BTD: variants seen among roughly 807,000 people sequenced by gnomAD.
The protein encoded by BTD is biotinidase.
In BTD, 13 loss-of-function variants were observed where a neutral mutation model predicts 17.7. The ratio of observed to expected loss-of-function variants is 0.74; its 90% confidence interval spans 0.48 to 1.17. The LOEUF (loss-of-function observed/expected upper bound fraction) is 1.17. Ranked by LOEUF, BTD falls within the 50% of genes most tolerant of loss-of-function variation. The probability of loss-of-function intolerance (pLI) is 0.00; values close to 1 mark genes in which losing one functional copy is unlikely to be tolerated. For synonymous variants in BTD, 240 were observed against 245.2 expected, an observed-to-expected ratio of 0.98 and a Z score of 0.20; for missense variants, 674 against 650.4, an observed-to-expected ratio of 1.04 and a Z score of -0.39.
chr3:15,707,902 C>T (rs528450157), intron 3 of BTD: 7 of 1,597,360 alleles, frequency 4.4e-6, no homozygotes, highest in Non-Finnish European at 6.0e-6. Flanking sequence ...TGATCCTCCA[C>T]TCTCACTCCT....
chr3:15,690,983 C>T lies in BTD; in HGVS notation c.400-19077C>T, dbSNP rs963761629. 7.2e-5 allele frequency among the ~76,000 whole-genome samples: 11 copies of T among 152,140 alleles called. 1 individual carries two copies. The highest frequency in any genetic ancestry group is 5.2e-4 in the Admixed American group (8 of 15,260). On this transcript the variant is annotated intron_variant, in intron 3 of 3. Coordinates refer to the BTD transcript ENST00000672141. ...CTCAAATTAAACTGACCATACCCAC[C>T]CCATAATGTGCCATAGCTAAAAAAG...
intron 3 of BTD, among the ~76,000 whole-genome samples, chr3:15,665,941 C>T (rs2065979629): frequency 1.3e-5 from 2 of 152,172 alleles, no homozygotes; most frequent in Admixed American, 1.3e-4. Flanking sequence ...AAGCAGTTAC[C>T]CACACAAGCT....
intron 3 of BTD, chr3:15,669,259 ACAAAAAATCCCCCAACCCAT>A (rs1039076223): frequency 3.0e-4 from 45 of 152,330 alleles, no homozygotes; most frequent in African/African-American, 1.0e-3. Flanking sequence ...ATCAGAATAA[ACAAAAAATCCCCCAACCCAT>A]GGTGGGGACA....
intron 3 of BTD, chr3:15,684,905 C>T (rs1347735088): frequency 3.8e-6 from 1 of 259,950 alleles, no homozygotes; most frequent in East Asian, 1.1e-4. Context: ...GGGAGGATCA[C>T]TTGATGCCAG....
chr3:15,649,782 C>G lies in BTD; in HGVS notation c.*4294C>G, dbSNP rs1051972558. Among the ~76,000 whole-genome samples, 2 of 152,164 alleles carry G rather than the reference C, an allele frequency of 1.3e-5. No individual in the cohort carries two copies. Among genetic ancestry groups the G allele is most frequent in the African/African-American group, 4.8e-5 (2 of 41,436 alleles). ...CTTTTTGAACTGGTGTTTCCCATTC[C>G]CAGTTCACAGAGCCCTTTCTCATTG... On this transcript the variant is annotated 3_prime_UTR_variant, in exon 4 of 4. Coordinates refer to ENST00000643237, the MANE Select transcript of BTD (RefSeq NM_001370658.1).
chr3:15,631,324 TA>T lies in BTD; in HGVS notation c.-16-4095del. 3 of 802,100 alleles carry T rather than the reference TA, an allele frequency of 3.7e-6. No homozygotes were observed. The South Asian group carries it at 6.3e-5, about 17-fold the overall frequency. The allele number at this position is 802,100 out of a possible 1,614,324, so 49.7% of individuals were successfully genotyped here. On this transcript the variant is annotated intron_variant, in intron 1 of 3. Transcript: ENST00000643237. Reference sequence around the variant, plus strand: ...AGTAAAGAATGACAAGATATTTTATTAAAAAGATGTTTTATTTATCTTTTAA... The same window carrying T: ...AGTAAAGAATGACAAGATATTTTATTAAAAGATGTTTTATTTATCTTTTAA...
At chr3:15,701,175 C>T (rs2070546230) in intron 3 of BTD, among the ~76,000 whole-genome samples, 1 of 152,172 alleles carries the variant, frequency 6.6e-6, no homozygotes, top group African/African-American at 2.4e-5. Context: ...GCCATTATTT[C>T]AATGCTAACA....
chr3:15,602,582 T>C (rs1339629210), intron 1 of BTD, among the ~76,000 whole-genome samples: 1 of 152,170 alleles, frequency 6.6e-6, no homozygotes, highest in East Asian at 1.9e-4. Flanking sequence ...AGTGGAACTT[T>C]TAATTTTTTG....
At chr3:15,683,431 C>T (rs913539526) in intron 3 of BTD, among the ~76,000 whole-genome samples, 1 of 152,162 alleles carries the variant, frequency 6.6e-6, no homozygotes, top group Non-Finnish European at 1.5e-5. Flanking sequence ...TCACTACACT[C>T]ATTTCTACTT....
chr3:15,632,054 A>G, intron 1 of BTD, among the ~76,000 whole-genome samples: 1 of 152,084 alleles, frequency 6.6e-6, no homozygotes, highest in African/African-American at 2.4e-5. Context: ...CCCGTGAGGC[A>G]TGCTCCTGCC....
chr3:15,685,077 G>A (rs1038692513), intron 3 of BTD: 22 of 716,700 alleles, frequency 3.1e-5, no homozygotes, highest in African/African-American at 1.4e-4. Context: ...GTGAGCCTAC[G>A]TACTAAGTAT....
At chr3:15,711,191 T>C (rs540941892) in exon 4 of BTD, 1 of 1,594,568 alleles carries the variant, frequency 6.3e-7, no homozygotes, top group East Asian at 2.2e-5. Flanking sequence ...CTTAAAGAAA[T>C]AAAAATACTA....
chr3:15,644,824 A>G lies in BTD; in HGVS notation c.908A>G (p.His303Arg), dbSNP rs397507176. The change falls in exon 4 of 4, where the codon CAT (histidine) becomes CGT (arginine). Residue 303 changes from histidine (H) to arginine (R), a missense_variant. By Grantham distance (29) the His-to-Arg change is conservative. Coordinates refer to ENST00000643237, the MANE Select transcript of BTD (RefSeq NM_001370658.1). Reference protein sequence around the residue: ...IHTPLESFWYHDMENPKSHLI... With the variant: ...IHTPLESFWYRDMENPKSHLI... ...ACCCCTCTGGAGTCCTTTTGGTACC[A>G]TGACATGGAAAATCCCAAAAGTCAC... is the stretch of plus-strand genomic sequence containing the variant. The G allele has an allele frequency of 9.5e-4, 1,537 of 1,614,216 alleles. 24 individuals are homozygous for G. In the South Asian group the frequency reaches 0.016, roughly 17 times the overall value.
At chr3:15,676,052 C>T in intron 3 of BTD, 1 of 1,356,770 alleles carries the variant, frequency 7.4e-7, no homozygotes, top group East Asian at 2.5e-5. Flanking sequence ...CACATACACA[C>T]CTGGCTGTCA....
intron 1 of BTD, among the ~76,000 whole-genome samples, chr3:15,614,943 C>A (rs987681669): frequency 6.6e-6 from 1 of 152,176 alleles, no homozygotes; most frequent in African/African-American, 2.4e-5. Context: ...CTGAGTACTT[C>A]TTTAATCAAC....
chr3:15,601,768 C>T lies in BTD; in HGVS notation c.-143C>T. 6.2e-7 allele frequency: 1 copy of T among 1,608,626 alleles called. No individual in the cohort carries two copies. The highest frequency in any genetic ancestry group is 8.5e-7 in the Non-Finnish European group (1 of 1,177,362). ...GCAGGAGATTGCTGCCTATGCAAAGCAGGTAAGAAGCCGAACTCTGAGGCC... is the reference window on the plus strand; with the variant it reads ...GCAGGAGATTGCTGCCTATGCAAAGTAGGTAAGAAGCCGAACTCTGAGGCC... On this transcript the variant is annotated 5_prime_UTR_variant, in exon 1 of 4. Coordinates refer to ENST00000643237, the MANE Select transcript of BTD (RefSeq NM_001370658.1).
intron 1 of BTD, among the ~76,000 whole-genome samples, chr3:15,620,247 A>G (rs1372318824): frequency 6.6e-6 from 1 of 152,208 alleles, no homozygotes; most frequent in Non-Finnish European, 1.5e-5. Context: ...AGGGTTCTGC[A>G]GGAGACTAGG....
chr3:15,604,550 A>G (rs573164846), intron 1 of BTD, among the ~76,000 whole-genome samples: 2 of 152,324 alleles, frequency 1.3e-5, no homozygotes, highest in East Asian at 3.9e-4. Flanking sequence ...TTGGTGATTA[A>G]TAGTTAGCTT....
chr3:15,685,184 G>A (rs775837838), intron 3 of BTD: 65 of 1,591,330 alleles, frequency 4.1e-5, no homozygotes, highest in Non-Finnish European at 4.4e-5. Context: ...TTTTATCTCT[G>A]TTCACTACAC....
Sources: allele counts gnomAD v4.1 joint callset (sites outside exome capture counted in the v4.1 genomes callset), GRCh38; gene constraint gnomAD v4.1.1; transcripts MANE v1.5; gene names NCBI Gene and HGNC (gene_info 2026-07-23, HGNC 2026-07-21).